AKR1C8: variants seen among roughly 807,000 people sequenced by gnomAD.
AKR1C8 encodes aldo-keto reductase family 1 member C-like protein 1.
the AKR1C8 span, among the ~76,000 whole-genome samples, chr10:5,122,459 A>C: frequency 6.6e-6 from 1 of 152,292 alleles, no homozygotes; most frequent in Admixed American, 6.5e-5. Flanking sequence ...CTTGTTTTAA[A>C]ATGGAAAAGA....
the AKR1C8 span, among the ~76,000 whole-genome samples, chr10:5,177,175 T>G: frequency 2.1e-4 from 32 of 152,084 alleles, no homozygotes; most frequent in African/African-American, 7.7e-4. Context: ...TTATTGAGAG[T>G]TTTTAGCATG....
the AKR1C8 span, among the ~76,000 whole-genome samples, chr10:5,119,973 G>A: frequency 6.6e-6 from 1 of 152,032 alleles, no homozygotes; most frequent in Non-Finnish European, 1.5e-5. Context: ...CCATAGACAG[G>A]CCCCAAAACT....
chr10:5,148,958 A>T, the AKR1C8 span, among the ~76,000 whole-genome samples: 1 of 152,146 alleles, frequency 6.6e-6, no homozygotes, highest in Non-Finnish European at 1.5e-5. Context: ...ATAGAAAAAA[A>T]GATGCCAAGG....
chr10:5,147,597 C>T, the AKR1C8 span, among the ~76,000 whole-genome samples: 1 of 152,082 alleles, frequency 6.6e-6, no homozygotes, highest in African/African-American at 2.4e-5. Context: ...GCCAGAATCC[C>T]AGCAAGGCAG....
chr10:5,183,988 C>A, the AKR1C8 span, among the ~76,000 whole-genome samples: 1 of 152,180 alleles, frequency 6.6e-6, no homozygotes, highest in Non-Finnish European at 1.5e-5. Flanking sequence ...ATATGGTGGG[C>A]TCCAGTGGGC....
chr10:5,149,950 C>G, the AKR1C8 span, among the ~76,000 whole-genome samples: 2 of 151,254 alleles, frequency 1.3e-5, no homozygotes, highest in African/African-American at 4.9e-5. Context: ...AAAAACAGCT[C>G]AAAAGAATAA....
chr10:5,147,020 G>A, the AKR1C8 span, among the ~76,000 whole-genome samples: 1 of 152,136 alleles, frequency 6.6e-6, no homozygotes, highest in Non-Finnish European at 1.5e-5. Context: ...TCATGGTTCT[G>A]CATACTGTAC....
chr10:5,147,536 C>G, the AKR1C8 span, among the ~76,000 whole-genome samples: 1 of 150,024 alleles, frequency 6.7e-6, no homozygotes, highest in Non-Finnish European at 1.5e-5. Context: ...AAAAAATTAA[C>G]CAAAAAAAAA....
the AKR1C8 span, chr10:5,132,683 A>T: frequency 6.3e-7 from 1 of 1,591,336 alleles, no homozygotes; most frequent in Non-Finnish European, 8.6e-7. Flanking sequence ...CCTGCTCCTC[A>T]TTATTGTATA....
the AKR1C8 span, chr10:5,163,019 G>T: frequency 1.9e-6 from 1 of 533,848 alleles, no homozygotes; most frequent in Non-Finnish European, 3.9e-6. Flanking sequence ...GCTTTTGGGA[G>T]TCTATAAGAC....
the AKR1C8 span, among the ~76,000 whole-genome samples, chr10:5,142,617 C>T: frequency 2.0e-5 from 3 of 152,030 alleles, no homozygotes. Flanking sequence ...AAGGCCTGAA[C>T]AGAGGGAAAG....
the AKR1C8 span, among the ~76,000 whole-genome samples, chr10:5,127,092 A>G: frequency 2.0e-5 from 3 of 152,154 alleles, no homozygotes; most frequent in Non-Finnish European, 4.4e-5. Context: ...AGATCACACT[A>G]GCTCCCCAGC....
At chr10:5,157,537 A>G in the AKR1C8 span, 1 of 382,178 alleles carries the variant, frequency 2.6e-6, no homozygotes, top group Non-Finnish European at 5.5e-6. Context: ...AGTGGAGAGC[A>G]CAGGAATGAA....
At chr10:5,156,668 A>C in the AKR1C8 span, among the ~76,000 whole-genome samples, 1 of 152,170 alleles carries the variant, frequency 6.6e-6, no homozygotes, top group Non-Finnish European at 1.5e-5. Flanking sequence ...TTGTCATGAG[A>C]GCAGGTATTA....
the AKR1C8 span, among the ~76,000 whole-genome samples, chr10:5,184,703 T>C: frequency 2.6e-5 from 4 of 152,214 alleles, no homozygotes; most frequent in African/African-American, 9.6e-5. Context: ...AGATAATGCA[T>C]GTAAAACACC....
the AKR1C8 span, among the ~76,000 whole-genome samples, chr10:5,173,659 A>T: frequency 6.6e-6 from 1 of 151,976 alleles, no homozygotes; most frequent in Non-Finnish European, 1.5e-5. Flanking sequence ...AAAAAAAAAA[A>T]ATCTACTCAG....
the AKR1C8 span, chr10:5,123,315 C>A: frequency 3.8e-6 from 1 of 260,210 alleles, no homozygotes; most frequent in South Asian, 7.2e-5. Context: ...GAGCTCTTGA[C>A]CAGGACCACA....
At chr10:5,132,101 C>A in the AKR1C8 span, among the ~76,000 whole-genome samples, 1 of 152,168 alleles carries the variant, frequency 6.6e-6, no homozygotes, top group African/African-American at 2.4e-5. Context: ...ACAGTACCTT[C>A]TCACTTATAA....
chr10:5,129,677 G>A, the AKR1C8 span, among the ~76,000 whole-genome samples: 1 of 151,866 alleles, frequency 6.6e-6, no homozygotes, highest in African/African-American at 2.4e-5. Flanking sequence ...TAGAGTAAAT[G>A]GATAAATTCC....
Sources: gnomAD v4.1 joint callset for allele counts (sites outside exome capture counted in the v4.1 genomes callset) on GRCh38, gnomAD v4.1.1 for gene constraint, MANE v1.5 for transcripts, NCBI Gene and HGNC (gene_info 2026-07-23, HGNC 2026-07-21) for gene names.